XKR9: variants seen among roughly 807,000 people sequenced by gnomAD.
The protein encoded by XKR9 is XK-related protein 9.
In XKR9, 32 loss-of-function variants were observed where a neutral mutation model predicts 32.0. The observed-to-expected ratio is 1.00, with a 90% CI of 0.76 to 1.34. The LOEUF (loss-of-function observed/expected upper bound fraction) is 1.34. Ranked by LOEUF, XKR9 falls within the 40% of genes most tolerant of loss-of-function variation. The probability of loss-of-function intolerance (pLI) is 0.00; values close to 1 mark genes in which losing one functional copy is unlikely to be tolerated. For missense variants in XKR9, 546 were observed against 429.7 expected, an observed-to-expected ratio of 1.27 and a Z score of -2.39; for synonymous variants, 168 against 143.4, an observed-to-expected ratio of 1.17 and a Z score of -1.22.
chr8:70,690,728 C>T (rs1236573973), intron 3 of XKR9, among the ~76,000 whole-genome samples: 11 of 152,158 alleles, frequency 7.2e-5, no homozygotes, highest in Admixed American at 5.2e-4. Flanking sequence ...TAGCCTCCAG[C>T]TCCTTCTGTG....
the XKR9 span, among the ~76,000 whole-genome samples, chr8:70,964,602 A>G: frequency 6.6e-6 from 1 of 152,280 alleles, no homozygotes; most frequent in Admixed American, 6.5e-5. Context: ...ATGTTTTTCC[A>G]TTTGTTTGTG....
At chr8:70,866,751 C>T in the XKR9 span, among the ~76,000 whole-genome samples, 1 of 151,930 alleles carries the variant, frequency 6.6e-6, no homozygotes, top group African/African-American at 2.4e-5. Flanking sequence ...TCCCAAAGTG[C>T]TGGGATTGCA....
At chr8:70,861,583 G>A in the XKR9 span, among the ~76,000 whole-genome samples, 2 of 152,018 alleles carry the variant, frequency 1.3e-5, no homozygotes, top group Non-Finnish European at 2.9e-5. Flanking sequence ...TTGAGGCCAG[G>A]AGTTCAGGGC....
the XKR9 span, among the ~76,000 whole-genome samples, chr8:70,837,956 T>C: frequency 6.6e-6 from 1 of 152,128 alleles, no homozygotes; most frequent in African/African-American, 2.4e-5. Context: ...TATCATTTAT[T>C]ATTACTGAAA....
Position 70,732,845 on chromosome 8 carries a change from C to T in XKR9, c.494-951C>T, listed in dbSNP as rs143756436. Among the ~76,000 whole-genome samples, 1,519 of 152,282 alleles carry T rather than the reference C, an allele frequency of 1.0e-2. 23 individuals carry two copies. The highest frequency in any genetic ancestry group is 0.035 in the African/African-American group (1,438 of 41,542). Reference sequence around the variant, plus strand: ...TATATAGAAAGTGGTAGGCCAGGTGCAGTGGCTCACGCCTGTAATCCTAGC... The same window carrying T: ...TATATAGAAAGTGGTAGGCCAGGTGTAGTGGCTCACGCCTGTAATCCTAGC... On this transcript the variant is annotated intron_variant, in intron 4 of 4. Transcript: ENST00000408926.
the XKR9 span, among the ~76,000 whole-genome samples, chr8:70,926,559 G>A: frequency 2.7e-4 from 41 of 152,174 alleles, no homozygotes; most frequent in East Asian, 4.1e-3. Flanking sequence ...ACACAATCTC[G>A]CAAAAATATG....
At chr8:70,958,545 G>T in the XKR9 span, among the ~76,000 whole-genome samples, 18 of 152,176 alleles carry the variant, frequency 1.2e-4, no homozygotes, top group African/African-American at 4.3e-4. Context: ...CTTTTTAATG[G>T]GGTTGTTTTT....
intron 4 of XKR9, among the ~76,000 whole-genome samples, chr8:70,729,315 T>C (rs1806583553): frequency 1.3e-5 from 2 of 152,188 alleles, no homozygotes; most frequent in Admixed American, 1.3e-4. Context: ...TTAAAAGCTA[T>C]AAATATCTCA....
At chr8:70,675,149 A>G (rs1397346817) in intron 2 of XKR9, among the ~76,000 whole-genome samples, 1 of 152,164 alleles carries the variant, frequency 6.6e-6, no homozygotes, top group Non-Finnish European at 1.5e-5. Context: ...AACGAGGGCC[A>G]GGTGCAGTTG....
chr8:70,684,076 C>G (rs1819177537), intron 3 of XKR9, among the ~76,000 whole-genome samples: 1 of 152,098 alleles, frequency 6.6e-6, no homozygotes, highest in South Asian at 2.1e-4. Flanking sequence ...CCTCTGGCTG[C>G]TCTTAAGATT....
the XKR9 span, among the ~76,000 whole-genome samples, chr8:70,874,507 G>A: frequency 9.9e-5 from 15 of 152,200 alleles, no homozygotes; most frequent in South Asian, 2.7e-3. Context: ...GCAAACAGAA[G>A]AATATTTTAA....
chr8:70,840,163 C>T, the XKR9 span, among the ~76,000 whole-genome samples: 1 of 152,126 alleles, frequency 6.6e-6, no homozygotes, highest in Non-Finnish European at 1.5e-5. Flanking sequence ...AATTGCTGTA[C>T]CTCCATGATC....
At chr8:70,801,939 T>C in the XKR9 span, among the ~76,000 whole-genome samples, 1 of 142,614 alleles carries the variant, frequency 7.0e-6, no homozygotes, top group Admixed American at 7.0e-5. Flanking sequence ...TTTTTCTTTC[T>C]TTTTTTTTTT....
At position 70,681,350 on chromosome 8, in the gene XKR9, C is replaced by G; in HGVS notation, c.272+20C>G. 6.3e-7 allele frequency: 1 copy of G among 1,591,154 alleles called. No individual in the cohort carries two copies. On this transcript the variant is annotated intron_variant, in intron 3 of 4. Coordinates refer to ENST00000408926, the MANE Select transcript of XKR9 (RefSeq NM_001011720.2). ...TACAAGGTGAGCATACATGTTTAAT[C>G]ATTACCACTGTTTTTCTTTTTCCAA... is the stretch of plus-strand genomic sequence containing the variant.
At chr8:71,048,319 T>A in the XKR9 span, among the ~76,000 whole-genome samples, 1 of 152,200 alleles carries the variant, frequency 6.6e-6, no homozygotes, top group Non-Finnish European at 1.5e-5. Flanking sequence ...TCTAATTCAT[T>A]GTCACACCAC....
chr8:70,764,940 G>C (rs1807355317), intron 2 of XKR9, among the ~76,000 whole-genome samples: 1 of 152,192 alleles, frequency 6.6e-6, no homozygotes, highest in South Asian at 2.1e-4. Flanking sequence ...TTCTATGGCT[G>C]AATAGTATTC....
At chr8:70,867,155 T>TA in the XKR9 span, among the ~76,000 whole-genome samples, 57 of 152,132 alleles carry the variant, frequency 3.7e-4, no homozygotes, top group Non-Finnish European at 7.3e-4. Flanking sequence ...AGTCACATCT[T>TA]ACATGGATGG....
At chr8:70,685,396 A>G (rs1819230933) in intron 3 of XKR9, among the ~76,000 whole-genome samples, 1 of 145,346 alleles carries the variant, frequency 6.9e-6, no homozygotes, top group Non-Finnish European at 1.5e-5. Context: ...CCTAATGCTA[A>G]ATGACGAGTT....
chr8:70,775,255 T>C (rs1053197810), intron 2 of XKR9, among the ~76,000 whole-genome samples: 5 of 152,196 alleles, frequency 3.3e-5, no homozygotes, highest in African/African-American at 1.2e-4. Context: ...TGTACAGTCA[T>C]GTCTTGCAAA....
Sources: gnomAD v4.1 joint callset for allele counts (sites outside exome capture counted in the v4.1 genomes callset) on GRCh38, gnomAD v4.1.1 for gene constraint, MANE v1.5 for transcripts, NCBI Gene and HGNC (gene_info 2026-07-23, HGNC 2026-07-21) for gene names.